The following UCK2 variants were observed in gnomAD, a reference collection of about 807,000 sequenced individuals.
UCK2 encodes the protein cytidine monophosphokinase 2.
A neutral mutation model predicts 30.8 loss-of-function variants in UCK2; 6 were observed. That is an observed-to-expected ratio of 0.19 (90% CI 0.11 to 0.38). UCK2 has a LOEUF of 0.38. Ranked by LOEUF, UCK2 falls within the 10% of genes least tolerant of loss-of-function variation. The pLI, the probability that UCK2 is intolerant of heterozygous loss-of-function variation, is 1.00. For synonymous variants in UCK2, 125 were observed against 133.6 expected, an observed-to-expected ratio of 0.94 and a Z score of 0.45; for missense variants, 210 against 339.8, an observed-to-expected ratio of 0.62 and a Z score of 3.00.
At chr1:165,893,716 A>G (rs1391642601) in intron 3 of UCK2, among the ~76,000 whole-genome samples, 2 of 152,188 alleles carry the variant, frequency 1.3e-5, no homozygotes, top group East Asian at 3.8e-4. Flanking sequence ...CTCCTTGCAC[A>G]TTCTGGGCTA....
chr1:165,853,269 T>A (rs1386362712), intron 1 of UCK2, among the ~76,000 whole-genome samples: 1 of 152,176 alleles, frequency 6.6e-6, no homozygotes, highest in Admixed American at 6.5e-5. Context: ...CTCAGTGATT[T>A]TAATGCCCAC....
At chr1:165,859,844 C>G (rs1247873899) in intron 1 of UCK2, among the ~76,000 whole-genome samples, 1 of 152,116 alleles carries the variant, frequency 6.6e-6, no homozygotes, top group Non-Finnish European at 1.5e-5. Flanking sequence ...GTGAAAGTCC[C>G]TTCCCAAACT....
chr1:165,906,325 A>G (rs1352167071), intron 6 of UCK2, among the ~76,000 whole-genome samples: 1 of 152,230 alleles, frequency 6.6e-6, no homozygotes, highest in Non-Finnish European at 1.5e-5. Flanking sequence ...ATGACCTGCC[A>G]TCACGGTAGC....
intron 1 of UCK2, among the ~76,000 whole-genome samples, chr1:165,868,171 A>G (rs1655094769): frequency 6.6e-6 from 1 of 152,252 alleles, no homozygotes; most frequent in South Asian, 2.1e-4. Context: ...TGGGATTCAA[A>G]TATTCAGTAA....
At chr1:165,830,816 T>G (rs1035535381) in intron 1 of UCK2, among the ~76,000 whole-genome samples, 3 of 152,104 alleles carry the variant, frequency 2.0e-5, no homozygotes, top group Non-Finnish European at 2.9e-5. Flanking sequence ...GGAGGATTGC[T>G]TGAGCCCGGG....
At position 165,884,814 on chromosome 1, in the gene UCK2, A is replaced by G. The variant is rs142914790; in HGVS notation, c.100-5390A>G. Among the ~76,000 whole-genome samples the G allele has an allele frequency of 5.2e-3, 797 of 152,302 alleles. 8 individuals carry two copies. The highest frequency in any genetic ancestry group is 0.018 in the African/African-American group (728 of 41,552). The stretch of plus-strand genomic sequence containing the variant: ...CTGGCTCAACAGCTGCCCTTTTGGA[A>G]ACTGCCAGCCGAAGGGGCCTGTTGA... On this transcript the variant is annotated intron_variant, in intron 1 of 6. Transcript: ENST00000367879.
chr1:165,863,945 A>G (rs1338871135), intron 1 of UCK2, among the ~76,000 whole-genome samples: 3 of 152,158 alleles, frequency 2.0e-5, no homozygotes, highest in East Asian at 3.8e-4. Context: ...AAAGTCATGT[A>G]GTTTTTTAGT....
At chr1:165,895,560 A>G in intron 3 of UCK2, 2 of 985,462 alleles carry the variant, frequency 2.0e-6, no homozygotes, top group Non-Finnish European at 2.4e-6. Context: ...CTCAGGATTG[A>G]CCTGTGGCCA....
At chr1:165,839,051 A>C (rs1170756900) in intron 1 of UCK2, among the ~76,000 whole-genome samples, 1 of 152,174 alleles carries the variant, frequency 6.6e-6, no homozygotes, top group Non-Finnish European at 1.5e-5. Context: ...TCGTCTCAAA[A>C]AAAAAAGAAA....
At chr1:165,851,630 TA>T (rs752256185) in intron 1 of UCK2, among the ~76,000 whole-genome samples, 8 of 152,094 alleles carry the variant, frequency 5.3e-5, no homozygotes, top group Admixed American at 1.3e-4. Context: ...TTTTTCTTTC[TA>T]ACACAAAGGA....
chr1:165,830,690 G>A (rs1571260205), intron 1 of UCK2, among the ~76,000 whole-genome samples: 1 of 152,102 alleles, frequency 6.6e-6, no homozygotes, highest in South Asian at 2.1e-4. Context: ...TTTGACATAC[G>A]AATGATTGAT....
chr1:165,843,876 T>A (rs1654385728), intron 1 of UCK2, among the ~76,000 whole-genome samples: 1 of 152,252 alleles, frequency 6.6e-6, no homozygotes, highest in African/African-American at 2.4e-5. Flanking sequence ...CTGCCTTATT[T>A]TTTTCTTATA....
chr1:165,891,339 G>A lies in UCK2; in HGVS notation c.356+17G>A. 1 of 1,611,580 alleles carries A rather than the reference G, an allele frequency of 6.2e-7. No homozygotes were observed. Among genetic ancestry groups the A allele is most frequent in the Non-Finnish European group, 8.5e-7 (1 of 1,177,746 alleles). ...CCATTCCCGGTAAGTGAGCTGTTCTGGGCCAGGGATGGCACCCACTGCTCC... is the reference window on the plus strand; with the variant it reads ...CCATTCCCGGTAAGTGAGCTGTTCTAGGCCAGGGATGGCACCCACTGCTCC... On this transcript the variant is annotated intron_variant, in intron 3 of 6. Transcript: ENST00000367879.
chr1:165,858,550 G>C (rs1424754363), intron 1 of UCK2, among the ~76,000 whole-genome samples: 1 of 152,216 alleles, frequency 6.6e-6, no homozygotes, highest in Non-Finnish European at 1.5e-5. Flanking sequence ...GGTTATGCCA[G>C]GTCATGAAGC....
At position 165,827,832 on chromosome 1, in the gene UCK2, C is replaced by A. The variant is rs1256841275; in HGVS notation, c.-2C>A. ...GCAGCGGGAGGAGGGGCGGCGCGAACCATGGCCGGGGACAGCGAGCAGACC... is the reference window on the plus strand; with the variant it reads ...GCAGCGGGAGGAGGGGCGGCGCGAAACATGGCCGGGGACAGCGAGCAGACC... On this transcript the variant is annotated 5_prime_UTR_variant, in exon 1 of 7. Coordinates refer to ENST00000367879, the MANE Select transcript of UCK2 (RefSeq NM_012474.5). The A allele has an allele frequency of 4.1e-6, 6 of 1,446,616 alleles. No homozygotes were observed. The highest frequency in any genetic ancestry group is 5.5e-6 in the Non-Finnish European group (6 of 1,090,980). 89.6% of individuals were successfully genotyped at this position (1,446,616 alleles called of 1,614,324 possible).
At chr1:165,906,770 C>T (rs1647677954) in intron 6 of UCK2, among the ~76,000 whole-genome samples, 1 of 152,200 alleles carries the variant, frequency 6.6e-6, no homozygotes, top group South Asian at 2.1e-4. Context: ...CTGGTTTCTT[C>T]ATTCTCTTTA....
At chr1:165,885,359 A>G (rs1655592138) in intron 1 of UCK2, 6 of 398,436 alleles carry the variant, frequency 1.5e-5, no homozygotes, top group Non-Finnish European at 2.7e-5. Flanking sequence ...ATTAAATGAG[A>G]TAATGTCTTC....
intron 1 of UCK2, among the ~76,000 whole-genome samples, chr1:165,836,574 C>A (rs1327214062): frequency 1.3e-5 from 2 of 152,166 alleles, no homozygotes; most frequent in Non-Finnish European, 2.9e-5. Context: ...AAACTGGAAA[C>A]CTCCAGACTT....
chr1:165,840,279 A>G (rs1325032091), intron 1 of UCK2, among the ~76,000 whole-genome samples: 5 of 152,272 alleles, frequency 3.3e-5, no homozygotes, highest in Non-Finnish European at 5.9e-5. Context: ...ACAAATGAAA[A>G]TATATTTATG....
Sources: allele counts gnomAD v4.1 joint callset (sites outside exome capture counted in the v4.1 genomes callset), GRCh38; gene constraint gnomAD v4.1.1; transcripts MANE v1.5; gene names NCBI Gene and HGNC (gene_info 2026-07-23, HGNC 2026-07-21).